Variants in GPC5 observed in about 807,000 individuals in gnomAD.
The protein encoded by GPC5 is glypican 5, also known as glypican-5.
GPC5 carries 47 observed loss-of-function variants against 53.9 expected under a neutral mutation model. The ratio of observed to expected loss-of-function variants is 0.87; its 90% CI spans 0.69 to 1.11. The LOEUF is 1.11. Among genes scored for constraint, GPC5 ranks in the 50% most tolerant of loss-of-function variants. The pLI is 0.00. For synonymous variants in GPC5, 286 were observed against 263.3 expected, an observed-to-expected ratio of 1.09 and a Z score of -0.84; for missense variants, 748 against 713.1, an observed-to-expected ratio of 1.05 and a Z score of -0.56.
chr13:92,473,257 C>T (rs571558037), intron 7 of GPC5, among the ~76,000 whole-genome samples: 1 of 152,100 alleles, frequency 6.6e-6, no homozygotes, highest in East Asian at 1.9e-4. Context: ...TACAACTAAC[C>T]AATAGCCAAT....
At chr13:92,279,290 A>G (rs78737997) in intron 7 of GPC5, among the ~76,000 whole-genome samples, 6,915 of 152,068 alleles carry the variant, frequency 0.045, 174 homozygotes, top group East Asian at 0.066. Context: ...GCTATCATAA[A>G]TGGAATTTTC....
intron 7 of GPC5, among the ~76,000 whole-genome samples, chr13:92,603,889 T>C (rs1266162632): frequency 1.3e-5 from 2 of 152,140 alleles, no homozygotes; most frequent in Non-Finnish European, 2.9e-5. Flanking sequence ...ACAGGAGGTA[T>C]ATCACTGTCT....
rs146767169 is a variant in GPC5 at position 92,635,536 on chromosome 13, A to G, written c.1562-230746A>G. On this transcript the variant is annotated intron_variant, in intron 7 of 7. Transcript: ENST00000377067. The stretch of plus-strand genomic sequence containing the variant: ...ATTTTATCAGGAACCGGCTCCCAAG[A>G]CAATGGCATTAATCTGTACATAAGG... Among the ~76,000 whole-genome samples the G allele has an allele frequency of 2.2e-4, 34 of 152,306 alleles. No individual in the cohort carries two copies. In the East Asian group the frequency reaches 5.6e-3, roughly 25 times the overall value.
chr13:92,507,036 C>T (rs1277526167), intron 7 of GPC5, among the ~76,000 whole-genome samples: 1 of 152,194 alleles, frequency 6.6e-6, no homozygotes, highest in Admixed American at 6.5e-5. Flanking sequence ...ATTTCCATGT[C>T]TTCATGCTTT....
At chr13:92,728,931 A>G (rs1015535973) in intron 7 of GPC5, among the ~76,000 whole-genome samples, 1 of 151,362 alleles carries the variant, frequency 6.6e-6, no homozygotes, top group Non-Finnish European at 1.5e-5. Flanking sequence ...CAGCAGTACT[A>G]GGGCAAAGAG....
intron 2 of GPC5, among the ~76,000 whole-genome samples, chr13:91,677,114 A>G (rs962614994): frequency 3.9e-5 from 6 of 152,232 alleles, no homozygotes; most frequent in Admixed American, 2.6e-4. Context: ...AATAATGCTC[A>G]TGGTCATATT....
chr13:92,804,494 A>G (rs761888598), intron 7 of GPC5, among the ~76,000 whole-genome samples: 1 of 152,086 alleles, frequency 6.6e-6, no homozygotes, highest in Non-Finnish European at 1.5e-5. Flanking sequence ...ATGTCTAAAA[A>G]ACAATGCATA....
chr13:92,516,063 A>G (rs953566683), intron 7 of GPC5, among the ~76,000 whole-genome samples: 1 of 152,144 alleles, frequency 6.6e-6, no homozygotes, highest in African/African-American at 2.4e-5. Context: ...ACTTGCTGCT[A>G]GCTTATAGAT....
At chr13:92,533,864 T>C (rs919202536) in intron 7 of GPC5, among the ~76,000 whole-genome samples, 1 of 152,206 alleles carries the variant, frequency 6.6e-6, no homozygotes, top group South Asian at 2.1e-4. Flanking sequence ...TATTTAAGAT[T>C]GGAACTGTTT....
intron 2 of GPC5, among the ~76,000 whole-genome samples, chr13:91,571,823 A>G (rs376962043): frequency 0.016 from 1,065 of 68,208 alleles, 42 homozygotes; most frequent in South Asian, 0.051. Context: ...ACGTGTGTGT[A>G]TATATACACA....
At chr13:92,252,551 T>C (rs966807807) in intron 7 of GPC5, among the ~76,000 whole-genome samples, 2 of 152,088 alleles carry the variant, frequency 1.3e-5, no homozygotes, top group Non-Finnish European at 2.9e-5. Flanking sequence ...AAGAATGTTA[T>C]AGAGTAAAAA....
chr13:91,976,765 C>T (rs958693677), intron 6 of GPC5, among the ~76,000 whole-genome samples: 5 of 152,088 alleles, frequency 3.3e-5, no homozygotes, highest in Admixed American at 2.0e-4. Context: ...AGAGGCCGAG[C>T]GCGGTGGCTC....
intron 7 of GPC5, among the ~76,000 whole-genome samples, chr13:92,471,582 C>A (rs1274143543): frequency 6.6e-6 from 1 of 151,878 alleles, no homozygotes; most frequent in Non-Finnish European, 1.5e-5. Flanking sequence ...AATTAGCTGG[C>A]AGAGAGTTAT....
intron 7 of GPC5, among the ~76,000 whole-genome samples, chr13:92,319,410 TAAAAAAAAAA>T (rs67635557): frequency 3.5e-4 from 38 of 108,728 alleles, no homozygotes; most frequent in Non-Finnish European, 1.8e-4. Flanking sequence ...TCTCTGAAAC[TAAAAAAAAAA>T]AAAAAAAAAG....
intron 6 of GPC5, among the ~76,000 whole-genome samples, chr13:92,136,117 T>C (rs2041782371): frequency 1.3e-5 from 2 of 152,132 alleles, no homozygotes; most frequent in African/African-American, 4.8e-5. Context: ...CTCTAAATAG[T>C]GAGTCATGTT....
chr13:91,399,342 G>A, intron 1 of GPC5, 133 bp downstream of exon 1: 1 of 1,120,414 alleles, frequency 8.9e-7, no homozygotes, highest in Non-Finnish European at 1.2e-6. Flanking sequence ...ATCCCGGGGA[G>A]GCTTCCGGGG....
chr13:91,534,316 A>G (rs1886482048), intron 2 of GPC5, among the ~76,000 whole-genome samples: 2 of 152,010 alleles, frequency 1.3e-5, no homozygotes. Context: ...ATACAATTGC[A>G]CTCTTTTTCC....
chr13:91,912,918 G>C (rs558992098), intron 6 of GPC5, among the ~76,000 whole-genome samples: 24 of 152,188 alleles, frequency 1.6e-4, no homozygotes, highest in African/African-American at 5.1e-4. Context: ...AGAAGTGTCA[G>C]CTTTCTCTTC....
At chr13:91,638,359 CT>C (rs2034335344) in intron 2 of GPC5, among the ~76,000 whole-genome samples, 1 of 151,712 alleles carries the variant, frequency 6.6e-6, no homozygotes, top group South Asian at 2.1e-4. Flanking sequence ...ACATTTCTTT[CT>C]TTTTCTTTTT....
Sources: gnomAD v4.1 joint callset for allele counts (sites outside exome capture counted in the v4.1 genomes callset) on GRCh38, gnomAD v4.1.1 for gene constraint, MANE v1.5 for transcripts, NCBI Gene and HGNC (gene_info 2026-07-23, HGNC 2026-07-21) for gene names.